Variants in OPRM1 observed in about 807,000 individuals in gnomAD.
The protein encoded by OPRM1 is mu-type opioid receptor.
A neutral mutation model predicts 31.8 loss-of-function variants in OPRM1; 27 were observed. The observed-to-expected ratio is 0.85, with a 90% CI of 0.63 to 1.17. OPRM1 has a LOEUF of 1.17. Among genes scored for constraint, OPRM1 ranks in the 50% most tolerant of loss-of-function variants. The pLI is 0.00. For missense variants in OPRM1, 536 were observed against 511.1 expected, an observed-to-expected ratio of 1.05 and a Z score of -0.47; for synonymous variants, 196 against 189.9, an observed-to-expected ratio of 1.03 and a Z score of -0.26.
chr6:154,096,794 A>G (rs1260834039), intron 3 of OPRM1, among the ~76,000 whole-genome samples: 1 of 152,290 alleles, frequency 6.6e-6, no homozygotes, highest in Non-Finnish European at 1.5e-5. Flanking sequence ...ACACAATGCT[A>G]CTTTGCACTC....
intron 1 of OPRM1, among the ~76,000 whole-genome samples, chr6:154,013,471 G>A (rs367798355): frequency 1.3e-5 from 2 of 152,092 alleles, no homozygotes; most frequent in East Asian, 1.9e-4. Context: ...AATGTTTATG[G>A]GGAACCAATT....
At chr6:154,077,740 T>C (rs957110421) in intron 1 of OPRM1, among the ~76,000 whole-genome samples, 1 of 151,606 alleles carries the variant, frequency 6.6e-6, no homozygotes, top group Admixed American at 6.6e-5. Context: ...AAAAAAATAA[T>C]TAATTAATTA....
At position 154,089,689 on chromosome 6, in the gene OPRM1, C is replaced by A. The variant is rs1019416587; in HGVS notation, c.291-137C>A. The A allele has an allele frequency of 4.8e-6, 3 of 624,048 alleles. No individual in the cohort carries two copies. The African/African-American group carries it at 5.5e-5, about 11-fold the overall frequency. 38.7% of individuals were successfully genotyped at this position (624,048 alleles called of 1,614,324 possible). ...ATTGACATCATTGTAAATAGCCAAGCTGATACTGGAAAACAATTCTATATC... is the reference window on the plus strand; with the variant it reads ...ATTGACATCATTGTAAATAGCCAAGATGATACTGGAAAACAATTCTATATC... On this transcript the variant is annotated intron_variant, in intron 1 of 3. Coordinates refer to ENST00000330432, the MANE Select transcript of OPRM1 (RefSeq NM_000914.5).
At chr6:154,229,099 G>A (rs1250397991) in intron 3 of OPRM1, among the ~76,000 whole-genome samples, 1 of 152,148 alleles carries the variant, frequency 6.6e-6, no homozygotes, top group African/African-American at 2.4e-5. Context: ...CCCCAGGGGC[G>A]GCCCTCCCTT....
intron 3 of OPRM1, chr6:154,212,874 T>A (rs754062879): frequency 6.5e-7 from 1 of 1,543,782 alleles, no homozygotes; most frequent in African/African-American, 1.4e-5. Context: ...AAAATGAAAA[T>A]GCTTAATGTT....
intron 3 of OPRM1, among the ~76,000 whole-genome samples, chr6:154,113,443 G>C (rs1156567039): frequency 1.3e-5 from 2 of 152,080 alleles, no homozygotes; most frequent in Non-Finnish European, 1.5e-5. Context: ...GATATCCTCT[G>C]GGCCACTCTC....
At chr6:154,011,357 T>TA (rs1409739910) in intron 1 of OPRM1, among the ~76,000 whole-genome samples, 1 of 152,116 alleles carries the variant, frequency 6.6e-6, no homozygotes, top group African/African-American at 2.4e-5. Context: ...GGACAACTTA[T>TA]AGAGAAATCT....
rs944233076 is a variant in OPRM1, at chr6:154,127,610, A to G, written c.*8889A>G. ...GACTTGACATTGTGGTGGGCCGGCT[A>G]CAACCCTCCCCACCCCTCGCTTTCA... On this transcript the variant is annotated 3_prime_UTR_variant, in exon 4 of 4. Transcript: ENST00000330432. Among the ~76,000 whole-genome samples, 2 of 152,190 alleles carry G rather than the reference A, an allele frequency of 1.3e-5. No homozygotes were observed. Among genetic ancestry groups the G allele is most frequent in the African/African-American group, 4.8e-5 (2 of 41,454 alleles).
chr6:154,098,362 T>A (rs548111238), intron 3 of OPRM1, among the ~76,000 whole-genome samples: 9 of 152,312 alleles, frequency 5.9e-5, no homozygotes, highest in African/African-American at 2.2e-4. Flanking sequence ...AAATGAGATG[T>A]CATCTTATTT....
chr6:154,132,294 T>G lies in OPRM1; in HGVS notation c.*13573T>G, dbSNP rs1435118966. ...AAACATATTAGGCTGTATTGTAAGTTTCCTGCATGTAATATGTAATGTGTA... is the reference window on the plus strand; with the variant it reads ...AAACATATTAGGCTGTATTGTAAGTGTCCTGCATGTAATATGTAATGTGTA... On this transcript the variant is annotated 3_prime_UTR_variant, in exon 4 of 4. Coordinates refer to ENST00000330432, the MANE Select transcript of OPRM1 (RefSeq NM_000914.5). 6.6e-6 allele frequency among the ~76,000 whole-genome samples: 1 copy of G among 152,222 alleles called. No homozygotes were observed. The highest frequency in any genetic ancestry group is 1.5e-5 in the Non-Finnish European group (1 of 68,022).
intron 3 of OPRM1, among the ~76,000 whole-genome samples, chr6:154,105,549 G>T (rs1795450622): frequency 6.6e-6 from 1 of 152,152 alleles, no homozygotes; most frequent in Non-Finnish European, 1.5e-5. Context: ...ATCTTCTAAA[G>T]AGGATTAAAA....
At chr6:154,082,099 C>A (rs1358359733) in intron 1 of OPRM1, among the ~76,000 whole-genome samples, 3 of 152,144 alleles carry the variant, frequency 2.0e-5, no homozygotes, top group Non-Finnish European at 4.4e-5. Context: ...TGATAGTGAA[C>A]TGGCACAGCA....
Position 154,150,135 on chromosome 6 carries a change from C to T in OPRM1, c.1164+58663C>T, listed in dbSNP as rs539416505. Among the ~76,000 whole-genome samples, 10 of 152,322 alleles carry T rather than the reference C, an allele frequency of 6.6e-5. No individual in the cohort carries two copies. In the South Asian group the frequency reaches 1.9e-3, roughly 28 times the overall value. On this transcript the variant is annotated intron_variant, in intron 3 of 3. Transcript: ENST00000337049. ...ACAATCTGCCTGGCAGTTCTGACAA[C>T]TCATCTTCATTAAATTTGGGACACC...
chr6:154,109,862 C>G (rs1175952790), intron 3 of OPRM1, among the ~76,000 whole-genome samples: 1 of 145,828 alleles, frequency 6.9e-6, no homozygotes, highest in East Asian at 2.2e-4. Flanking sequence ...ATTTTCTAAG[C>G]CAAAGTTCAG....
chr6:154,150,557 T>C (rs1402962917), intron 3 of OPRM1, among the ~76,000 whole-genome samples: 2 of 152,188 alleles, frequency 1.3e-5, no homozygotes, highest in African/African-American at 4.8e-5. Flanking sequence ...ATGGGAACCC[T>C]CTGGGTAGTT....
In OPRM1 at chr6:154,114,442, AAGAG is replaced by A. The variant is rs1193604331; in HGVS notation, c.1165-4237_1165-4234del. On this transcript the variant is annotated intron_variant, in intron 3 of 3. Transcript: ENST00000330432. The stretch of plus-strand genomic sequence containing the variant: ...GCCCAATTTCTCTGCAGAAAAAAAA[AAGAG>A]AGAAAGAGAAAGAGAGAGAGGCTTG... 1.7e-4 allele frequency among the ~76,000 whole-genome samples: 25 copies of A among 149,582 alleles called. 1 individual carries two copies. The highest frequency in any genetic ancestry group is 1.2e-3 in the Admixed American group (19 of 15,208).
At chr6:154,109,216 AAC>A (rs1796042675) in intron 3 of OPRM1, among the ~76,000 whole-genome samples, 2 of 152,260 alleles carry the variant, frequency 1.3e-5, no homozygotes, top group African/African-American at 4.8e-5. Flanking sequence ...TAGAAAGGAC[AAC>A]ACAGTTTCTT....
At position 154,039,739 on chromosome 6, in the gene OPRM1, C is replaced by T. The variant is rs1479587109; in HGVS notation, c.195C>T (p.Pro65=). The part of the protein sequence containing the change: ...RDSLCPPTGS[P]SMITAITIMA... ...GCCTGTGCCCTCCGACCGGCAGTCC[C>T]TCCATGATCACGGCCATCACGATCA... is the stretch of plus-strand genomic sequence containing the variant. The change falls in exon 1 of 4, where the codon CCC becomes CCT. Residue 65 remains proline, a synonymous_variant. Transcript: ENST00000330432. 1.2e-6 allele frequency: 2 copies of T among 1,609,280 alleles called. No individual in the cohort carries two copies. Among genetic ancestry groups the T allele is most frequent in the African/African-American group, 2.7e-5 (2 of 74,956 alleles).
At position 154,065,155 on chromosome 6, in the gene OPRM1, T is replaced by TTC. The variant is rs1205947845; in HGVS notation, c.291-24670_291-24669insCT. Among the ~76,000 whole-genome samples, 886 of 150,630 alleles carry TTC rather than the reference T, an allele frequency of 5.9e-3. 7 individuals carry two copies. The highest frequency in any genetic ancestry group is 0.021 in the African/African-American group (845 of 41,148). ...ATTTATTTATGTCTTCTTTAATTTT[T>TTC]TTTTTTTTTTTTTTAGACAGAGTCT... On this transcript the variant is annotated intron_variant, in intron 1 of 3. Coordinates refer to ENST00000330432, the MANE Select transcript of OPRM1 (RefSeq NM_000914.5).
Sources: gnomAD v4.1 joint callset for allele counts (sites outside exome capture counted in the v4.1 genomes callset) on GRCh38, gnomAD v4.1.1 for gene constraint, MANE v1.5 for transcripts, NCBI Gene and HGNC (gene_info 2026-07-23, HGNC 2026-07-21) for gene names.